The following ABCG1 variants were observed in gnomAD, a reference collection of about 807,000 sequenced individuals.
ABCG1 encodes ATP binding cassette subfamily G member 1, also known as ATP-binding cassette sub-family G member 1.
In ABCG1, 29 loss-of-function variants were observed where a neutral mutation model predicts 69.2. The observed-to-expected ratio is 0.42, with a 90% CI of 0.31 to 0.57. The LOEUF is 0.57. ABCG1 is among the 20% of genes least tolerant of loss of function. The probability of loss-of-function intolerance (pLI) is 0.15; values close to 1 mark genes in which losing one functional copy is unlikely to be tolerated. For synonymous variants in ABCG1, 370 were observed against 374.8 expected (o/e 0.99, Z 0.15); for missense variants, 718 against 898.1 (o/e 0.80, Z 2.56).
At chr21:42,247,233 T>TGGGGAG (rs2068146688) in intron 2 of ABCG1, among the ~76,000 whole-genome samples, 1 of 152,216 alleles carries the variant, frequency 6.6e-6, no homozygotes, top group African/African-American at 2.4e-5. Context: ...AGCAAAGTAT[T>TGGGGAG]TTTGCTCAGT....
At chr21:42,209,097 C>T (rs1173811359) in intron 2 of ABCG1, among the ~76,000 whole-genome samples, 1 of 152,164 alleles carries the variant, frequency 6.6e-6, no homozygotes, top group Non-Finnish European at 1.5e-5. Flanking sequence ...GACTTCTGCT[C>T]AGGTGATCAG....
chr21:42,278,969 CA>C (rs1361297247), intron 5 of ABCG1, among the ~76,000 whole-genome samples: 1 of 152,038 alleles, frequency 6.6e-6, no homozygotes, highest in African/African-American at 2.4e-5. Context: ...CCCCATGAAG[CA>C]GAGGCTTTTC....
intron 2 of ABCG1, among the ~76,000 whole-genome samples, chr21:42,237,483 C>T (rs1167820779): frequency 6.6e-6 from 1 of 152,240 alleles, no homozygotes; most frequent in African/African-American, 2.4e-5. Flanking sequence ...ACTCTTCGTA[C>T]TCCTCTGCCC....
chr21:42,261,661 G>GC (rs1360904783), intron 2 of ABCG1, among the ~76,000 whole-genome samples: 3 of 152,214 alleles, frequency 2.0e-5, no homozygotes, highest in African/African-American at 7.2e-5. Context: ...GCCTGGCCCG[G>GC]CCCCCTCGGG....
At chr21:42,200,596 CTT>C (rs200131320) in intron 1 of ABCG1, among the ~76,000 whole-genome samples, 21 of 138,620 alleles carry the variant, frequency 1.5e-4, no homozygotes, top group Non-Finnish European at 1.9e-4. Context: ...TTATGTTGCA[CTT>C]TTTTTTTTTT....
chr21:42,249,737 G>A (rs1216157015), intron 2 of ABCG1, among the ~76,000 whole-genome samples: 2 of 152,164 alleles, frequency 1.3e-5, no homozygotes, highest in Admixed American at 6.5e-5. Context: ...CAGGCGCAGT[G>A]GCTCACACCT....
At position 42,223,765 on chromosome 21, in the gene ABCG1, A is replaced by C. The variant is rs7277707; in HGVS notation, c.43-1906A>C. ...TGAGTGAGACAGTGAGTGAGTGAGCAGATAGTGAGTCTAGCAGAGAAAGTC... is the reference window on the plus strand; with the variant it reads ...TGAGTGAGACAGTGAGTGAGTGAGCCGATAGTGAGTCTAGCAGAGAAAGTC... On this transcript the variant is annotated intron_variant, in intron 1 of 14. Coordinates refer to ENST00000398449, the MANE Select transcript of ABCG1 (RefSeq NM_016818.3). 4.7e-3 allele frequency among the ~76,000 whole-genome samples: 709 copies of C among 152,338 alleles called. 5 individuals carry two copies. Among genetic ancestry groups the C allele is most frequent in the African/African-American group, 0.016 (656 of 41,568 alleles).
chr21:42,293,052 TACACACATACCACACTACAC>T (rs2069106450), intron 13 of ABCG1, among the ~76,000 whole-genome samples: 1 of 47,930 alleles, frequency 2.1e-5, no homozygotes, highest in Non-Finnish European at 3.9e-5. Flanking sequence ...CCACACACAC[TACACACATACCACACTACAC>T]ACACACCACA....
chr21:42,264,346 G>A (rs225388), intron 2 of ABCG1, among the ~76,000 whole-genome samples: 66,132 of 152,086 alleles, frequency 0.43, 14,879 homozygotes, highest in Middle Eastern at 0.59. Flanking sequence ...CTTCATCTGC[G>A]TGGTTTTTAA....
Position 42,291,059 on chromosome 21 carries a change from C to A in ABCG1, c.1394-33C>A. The A allele has an allele frequency of 6.4e-7, 1 of 1,552,034 alleles. No homozygotes were observed. The highest frequency in any genetic ancestry group is 8.9e-7 in the Non-Finnish European group (1 of 1,124,688). ...TAAACGGGCTCGCTGCACATGGTCA[C>A]TGACCCTTCTTTTTTGCTTTTCTAT... On this transcript the variant is annotated intron_variant, in intron 11 of 14. Transcript: ENST00000398449. The surrounding 1 kb of genome is among the most constrained non-coding windows in gnomAD (Gnocchi z 6.4).
chr21:42,283,275 G>T (rs1369571315), intron 6 of ABCG1, among the ~76,000 whole-genome samples: 1 of 152,202 alleles, frequency 6.6e-6, no homozygotes, highest in South Asian at 2.1e-4. Context: ...AGCCCACAGT[G>T]TCTATAAGAT....
intron 2 of ABCG1, among the ~76,000 whole-genome samples, chr21:42,257,899 C>T (rs570580918): frequency 1.3e-5 from 2 of 151,828 alleles, no homozygotes; most frequent in East Asian, 1.9e-4. Flanking sequence ...CTCATCCCTT[C>T]ATTTACTCCA....
intron 2 of ABCG1, among the ~76,000 whole-genome samples, chr21:42,248,739 T>A (rs1288487523): frequency 2.0e-5 from 3 of 146,544 alleles, no homozygotes; most frequent in African/African-American, 2.7e-5. Context: ...TAAAAAAATT[T>A]AAAAAATTAA....
At chr21:42,202,389 C>A (rs556045611) in intron 2 of ABCG1, among the ~76,000 whole-genome samples, 59 of 152,250 alleles carry the variant, frequency 3.9e-4, no homozygotes, top group African/African-American at 1.4e-3. Context: ...CCTTGCAGAA[C>A]TTTCTACACA....
chr21:42,250,468 C>T (rs988924866), intron 2 of ABCG1, among the ~76,000 whole-genome samples: 9 of 152,150 alleles, frequency 5.9e-5, no homozygotes, highest in Admixed American at 2.0e-4. Flanking sequence ...GATAGGCAGC[C>T]GCATGCAGTG....
chr21:42,201,134 A>G (rs1044966921), intron 1 of ABCG1, among the ~76,000 whole-genome samples: 1 of 151,714 alleles, frequency 6.6e-6, no homozygotes, highest in African/African-American at 2.4e-5. Context: ...CCACTCACTG[A>G]TAGGGTTTTG....
chr21:42,208,207 C>T (rs1030549529), intron 2 of ABCG1, among the ~76,000 whole-genome samples: 2 of 149,504 alleles, frequency 1.3e-5, no homozygotes, highest in Non-Finnish European at 1.5e-5. Flanking sequence ...CTAGAGAGAG[C>T]AGGCTTTTGT....
rs2068827427 is a variant in ABCG1, at chr21:42,282,362, C to G, written c.677C>G (p.Ala226Gly). The G allele has an allele frequency of 6.2e-7, 1 of 1,613,884 alleles. No individual in the cohort carries two copies. Among genetic ancestry groups the G allele is most frequent in the Non-Finnish European group, 8.5e-7 (1 of 1,179,978 alleles). ...SLSGGQRKRL[A>G]IALELVNNPP... ...TCAGGTGGTCAGCGCAAGCGCCTGG[C>G]CATCGCGCTGGAGCTGGTGAACAAC... is the stretch of plus-strand genomic sequence containing the variant. Residue 226 changes from alanine to glycine, a missense_variant, in exon 6 of 15, where the codon GCC (alanine) becomes GGC (glycine). Physicochemically the swap from Ala to Gly is moderately conservative, Grantham distance 60. Coordinates refer to ENST00000398449, the MANE Select transcript of ABCG1 (RefSeq NM_016818.3).
chr21:42,216,620 G>C (rs970329033), upstream of ABCG1, among the ~76,000 whole-genome samples: 4 of 152,212 alleles, frequency 2.6e-5, no homozygotes, highest in African/African-American at 9.7e-5. Context: ...ACCACCTGGG[G>C]AGGCCAGAGC....
Sources: allele counts gnomAD v4.1 joint callset (sites outside exome capture counted in the v4.1 genomes callset), GRCh38; gene constraint gnomAD v4.1.1; non-coding constraint Gnocchi (gnomAD v3.1); transcripts MANE v1.5; gene names NCBI Gene and HGNC (gene_info 2026-07-23, HGNC 2026-07-21).